Variants in PPP2R5E observed in about 807,000 individuals in gnomAD.
PPP2R5E encodes the protein serine/threonine-protein phosphatase 2A 56 kDa regulatory subunit epsilon isoform.
Under a neutral mutation model 65.3 loss-of-function variants are expected in PPP2R5E, and 4 were observed. The ratio of observed to expected loss-of-function variants is 0.06; its 90% CI spans 0.03 to 0.14. PPP2R5E has a LOEUF of 0.14. Ranked by LOEUF, PPP2R5E falls within the 10% of genes least tolerant of loss-of-function variation. The pLI, the probability that PPP2R5E is intolerant of heterozygous loss-of-function variation, is 1.00. For synonymous variants in PPP2R5E, 183 were observed against 187.4 expected (o/e 0.98, Z 0.19); for missense variants, 274 against 556.1 (o/e 0.49, Z 5.10).
At chr14:63,406,446 C>T (rs1886100239) in intron 5 of PPP2R5E, among the ~76,000 whole-genome samples, 1 of 151,666 alleles carries the variant, frequency 6.6e-6, no homozygotes, top group Non-Finnish European at 1.5e-5. Flanking sequence ...AAACAACAGA[C>T]TGTTTTGTCT....
chr14:63,444,303 T>C (rs1011567002), intron 3 of PPP2R5E, among the ~76,000 whole-genome samples: 3 of 152,262 alleles, frequency 2.0e-5, no homozygotes, highest in African/African-American at 7.2e-5. Context: ...ACTGAGGCTA[T>C]AATCATTCTG....
intron 3 of PPP2R5E, among the ~76,000 whole-genome samples, chr14:63,430,376 T>C (rs962901773): frequency 7.8e-6 from 1 of 127,846 alleles, no homozygotes; most frequent in Non-Finnish European, 1.6e-5. Flanking sequence ...CATACATGCA[T>C]GCATACATAC....
Position 63,501,198 on chromosome 14 carries a change from G to T in PPP2R5E, c.157+38331C>A, listed in dbSNP as rs994847645. Among the ~76,000 whole-genome samples the T allele has an allele frequency of 3.3e-5, 5 of 152,090 alleles. No homozygotes were observed. In the South Asian group the frequency reaches 6.2e-4, roughly 19 times the overall value. ...GCAGATCACCAGGTCAGGAGATCGA[G>T]ACTATCCTGGCTAACACAGTGAAAC... On this transcript the variant is annotated intron_variant, in intron 2 of 13. Coordinates refer to ENST00000337537, the MANE Select transcript of PPP2R5E (RefSeq NM_006246.5).
At chr14:63,429,839 C>T (rs149964320) in intron 3 of PPP2R5E, among the ~76,000 whole-genome samples, 63 of 152,036 alleles carry the variant, frequency 4.1e-4, no homozygotes, top group Non-Finnish European at 7.4e-5. Flanking sequence ...CCCGCCACCA[C>T]GTCCAGCTAA....
At chr14:63,490,692 C>T (rs561051849) in intron 2 of PPP2R5E, among the ~76,000 whole-genome samples, 5 of 152,136 alleles carry the variant, frequency 3.3e-5, no homozygotes, top group African/African-American at 1.2e-4. Flanking sequence ...GAGATACCAT[C>T]GCACACCAGT....
At chr14:63,492,870 T>A (rs1891347124) in intron 2 of PPP2R5E, among the ~76,000 whole-genome samples, 1 of 152,134 alleles carries the variant, frequency 6.6e-6, no homozygotes, top group Admixed American at 6.6e-5. Flanking sequence ...AGGAGCCTTA[T>A]CAGAACCAGA....
At chr14:63,512,076 G>A (rs1361259949) in intron 2 of PPP2R5E, among the ~76,000 whole-genome samples, 5 of 87,190 alleles carry the variant, frequency 5.7e-5, no homozygotes, top group Non-Finnish European at 1.0e-4. Flanking sequence ...GAGACTCTGC[G>A]GTAAAAAAAA....
At chr14:63,471,750 A>G (rs569583141) in intron 2 of PPP2R5E, among the ~76,000 whole-genome samples, 109 of 152,298 alleles carry the variant, frequency 7.2e-4, no homozygotes, top group African/African-American at 2.6e-3. Flanking sequence ...GCACCTGTAC[A>G]CTATCCCACC....
At chr14:63,426,602 T>C (rs1048850671) in intron 3 of PPP2R5E, among the ~76,000 whole-genome samples, 4 of 151,512 alleles carry the variant, frequency 2.6e-5, no homozygotes, top group East Asian at 1.9e-4. Flanking sequence ...ACACCTTCCA[T>C]TGCAAGATGA....
chr14:63,467,426 C>G (rs1271867954), intron 2 of PPP2R5E, among the ~76,000 whole-genome samples: 1 of 151,810 alleles, frequency 6.6e-6, no homozygotes. Context: ...ATACTGTAAC[C>G]CAGAGTTTAG....
At chr14:63,494,437 G>A (rs1891437024) in intron 2 of PPP2R5E, among the ~76,000 whole-genome samples, 1 of 151,752 alleles carries the variant, frequency 6.6e-6, no homozygotes, top group African/African-American at 2.4e-5. Flanking sequence ...GTCTTACCAG[G>A]TTGGCCAGCC....
intron 2 of PPP2R5E, among the ~76,000 whole-genome samples, chr14:63,515,557 G>A (rs1478932555): frequency 6.6e-6 from 1 of 151,078 alleles, no homozygotes; most frequent in East Asian, 1.9e-4. Flanking sequence ...TTGAGTCAGA[G>A]TCTCACTCTG....
chr14:63,386,938 GAAGA>G (rs968393798), intron 11 of PPP2R5E, among the ~76,000 whole-genome samples: 2 of 142,440 alleles, frequency 1.4e-5, no homozygotes, highest in Non-Finnish European at 3.0e-5. Context: ...AAAAAAAAAA[GAAGA>G]AAGAAATGTA....
chr14:63,379,937 T>C (rs943793973), intron 13 of PPP2R5E, among the ~76,000 whole-genome samples: 2 of 145,340 alleles, frequency 1.4e-5, no homozygotes, highest in African/African-American at 5.1e-5. Flanking sequence ...CGGGTTCAAC[T>C]GACCCTCCCA....
chr14:63,527,431 G>C (rs1198702058), intron 2 of PPP2R5E, among the ~76,000 whole-genome samples: 1 of 152,206 alleles, frequency 6.6e-6, no homozygotes, highest in Non-Finnish European at 1.5e-5. Context: ...CATGTAACGT[G>C]TTAAAGGAAC....
chr14:63,521,704 T>C (rs555903611), intron 2 of PPP2R5E, among the ~76,000 whole-genome samples: 1 of 151,968 alleles, frequency 6.6e-6, no homozygotes, highest in East Asian at 1.9e-4. Flanking sequence ...GTAGGTGGAG[T>C]TGGAGAGACA....
chr14:63,507,575 C>CT (rs756154248), intron 2 of PPP2R5E, among the ~76,000 whole-genome samples: 4,591 of 105,454 alleles, frequency 0.044, 266 homozygotes, highest in African/African-American at 0.087. Flanking sequence ...GGGTAATTCT[C>CT]TTTTTTTTTT....
At chr14:63,490,462 T>G (rs1891229108) in intron 2 of PPP2R5E, among the ~76,000 whole-genome samples, 1 of 151,858 alleles carries the variant, frequency 6.6e-6, no homozygotes, top group Admixed American at 6.6e-5. Flanking sequence ...ACCTACAGAA[T>G]GGGAGAAAAT....
Position 63,393,806 on chromosome 14 carries a change from C to T in PPP2R5E, c.849+14G>A, listed in dbSNP as rs190265853. The T allele has an allele frequency of 3.3e-3, 5,018 of 1,510,964 alleles. 27 individuals are homozygous for T. The highest frequency in any genetic ancestry group is 0.012 in the South Asian group (1,009 of 85,238). The allele number at this position is 1,510,964 out of a possible 1,614,324, so 93.6% of individuals were successfully genotyped here. ...TATTTTGCTTCTAAAAGTAGTTGTACAAAATCCTCCTACCTGTGCATGGAA... is the reference window on the plus strand; with the variant it reads ...TATTTTGCTTCTAAAAGTAGTTGTATAAAATCCTCCTACCTGTGCATGGAA... On this transcript the variant is annotated intron_variant, in intron 8 of 13. Transcript: ENST00000337537.
Sources: gnomAD v4.1 joint callset for allele counts (sites outside exome capture counted in the v4.1 genomes callset) on GRCh38, gnomAD v4.1.1 for gene constraint, MANE v1.5 for transcripts, NCBI Gene and HGNC (gene_info 2026-07-23, HGNC 2026-07-21) for gene names.